Variants in SUGP2 observed in about 807,000 individuals in gnomAD.
SUGP2 encodes the protein SURP and G-patch domain-containing protein 2.
In SUGP2, 24 loss-of-function variants were observed where a neutral mutation model predicts 90.5. The observed-to-expected ratio is 0.27, with a 90% CI of 0.19 to 0.37. The LOEUF is 0.37. SUGP2 is among the 10% of genes least tolerant of loss of function. SUGP2 has a pLI of 1.00. For missense variants in SUGP2, 1,233 were observed against 1,363.3 expected, an observed-to-expected ratio of 0.90 and a Z score of 1.51; for synonymous variants, 473 against 513.4, an observed-to-expected ratio of 0.92 and a Z score of 1.06.
In SUGP2 at chr19:18,994,405, CCT is replaced by C. The variant is rs1248661064; in HGVS notation, c.3208_3209del (p.Arg1070AspfsTer18). On this transcript the variant is annotated frameshift_variant, in exon 10 of 11. Transcript: ENST00000452918. LOFTEE classifies it high-confidence loss of function. The part of the protein sequence containing the change: ...KEDTFDVFRQ[R>X]MMQMYRHKRA... ...GCTTGTGTCTGTACATCTGCATCAT[CCT>C]CTGTCGGAACACATCGAATGTGTCT... 6.2e-7 allele frequency: 1 copy of C among 1,614,130 alleles called. No individual in the cohort carries two copies. Among genetic ancestry groups the C allele is most frequent in the Non-Finnish European group, 8.5e-7 (1 of 1,180,040 alleles).
chr19:19,018,506 T>A (rs146648670), intron 4 of SUGP2, among the ~76,000 whole-genome samples: 1 of 151,720 alleles, frequency 6.6e-6, no homozygotes, highest in Non-Finnish European at 1.5e-5. Flanking sequence ...GCTAACACTA[T>A]GAAACCCCAT....
intron 8 of SUGP2, among the ~76,000 whole-genome samples, chr19:18,998,712 T>G (rs1053851052): frequency 2.0e-5 from 3 of 151,940 alleles, no homozygotes; most frequent in Non-Finnish European, 4.4e-5. Flanking sequence ...GAGGTGGTCT[T>G]GGTGAGGCGG....
At position 19,006,750 on chromosome 19, in the gene SUGP2, G is replaced by A. The variant is rs139619255; in HGVS notation, c.2450+1567C>T. ...CAGCTCCCCAAGGCCACTACTGCCTGTAAAAGGCAAAACCTGACTGTAAGC... is the reference window on the plus strand; with the variant it reads ...CAGCTCCCCAAGGCCACTACTGCCTATAAAAGGCAAAACCTGACTGTAAGC... On this transcript the variant is annotated intron_variant, in intron 6 of 10. Coordinates refer to ENST00000452918, the MANE Select transcript of SUGP2 (RefSeq NM_001017392.5). Among the ~76,000 whole-genome samples the A allele has an allele frequency of 7.5e-3, 1,142 of 152,308 alleles. 12 individuals carry two copies. Among genetic ancestry groups the A allele is most frequent in the African/African-American group, 0.025 (1,047 of 41,570 alleles).
chr19:19,022,814 T>C, intron 3 of SUGP2, among the ~76,000 whole-genome samples: 1 of 152,142 alleles, frequency 6.6e-6, no homozygotes, highest in Non-Finnish European at 1.5e-5. Context: ...ATCTAGTGTC[T>C]AGTGCTGTTG....
intron 6 of SUGP2, among the ~76,000 whole-genome samples, chr19:19,008,014 C>T (rs1256272553): frequency 6.6e-6 from 1 of 152,082 alleles, no homozygotes; most frequent in East Asian, 1.9e-4. Flanking sequence ...ACAGATCTTT[C>T]TCCCTTAGGC....
At chr19:19,009,007 G>A (rs1211476080) in intron 5 of SUGP2, among the ~76,000 whole-genome samples, 1 of 152,168 alleles carries the variant, frequency 6.6e-6, no homozygotes, top group Non-Finnish European at 1.5e-5. Flanking sequence ...CGCCTCCCGG[G>A]TTCAAGCGAT....
At chr19:19,021,670 A>ATT (rs777104794) in intron 3 of SUGP2, among the ~76,000 whole-genome samples, 10 of 144,246 alleles carry the variant, frequency 6.9e-5, no homozygotes, top group African/African-American at 1.8e-4. Context: ...TCATTCCAGC[A>ATT]TTTTTTTTTT....
Position 19,024,944 on chromosome 19 carries a change from G to A in SUGP2, c.1404C>T (p.Ala468=), listed in dbSNP as rs1457430897. 4 of 1,614,044 alleles carry A rather than the reference G, an allele frequency of 2.5e-6. No individual in the cohort carries two copies. Among genetic ancestry groups the A allele is most frequent in the Admixed American group, 3.3e-5 (2 of 60,000 alleles). Residue 468 remains alanine, a synonymous_variant, in exon 3 of 11, where the codon GCC becomes GCT. Transcript: ENST00000452918. ...TLSNPLDLAL[A]LETTNSLCRK... ...GGCAGAGAGAGTTGGTGGTTTCTAG[G>A]GCAAGAGCCAAGTCCAGGGGGTTAC...
intron 7 of SUGP2, among the ~76,000 whole-genome samples, chr19:19,002,655 A>C (rs2057890804): frequency 6.6e-6 from 1 of 151,808 alleles, no homozygotes. Flanking sequence ...CTGGGATTTC[A>C]GGAATGCGTC....
Position 19,014,033 on chromosome 19 carries a change from G to A in SUGP2, c.1851-3691C>T, listed in dbSNP as rs149522246. Among the ~76,000 whole-genome samples the A allele has an allele frequency of 7.0e-3, 1,070 of 152,166 alleles. 8 individuals carry two copies. The highest frequency in any genetic ancestry group is 0.024 in the African/African-American group (987 of 41,514). Reference sequence around the variant, plus strand: ...TTTGAGACGGTGTTTTGCTCTTGTCGCCCAGGCTGGAGTGCAGTGGTGCGA... The same window carrying A: ...TTTGAGACGGTGTTTTGCTCTTGTCACCCAGGCTGGAGTGCAGTGGTGCGA... On this transcript the variant is annotated intron_variant, in intron 4 of 10. Transcript: ENST00000452918.
rs2059130050 is a variant in SUGP2, at chr19:19,031,014, T to C, written c.58A>G (p.Lys20Glu). The change falls in exon 2 of 11, where the codon AAA becomes GAA. Residue 20 changes from lysine (K) to glutamate (E), a missense_variant. Around this residue, in one of 8 missense-constraint regions of SUGP2, gnomAD observed 418 missense variants for 399.9 expected, o/e 1.05. Coordinates refer to ENST00000452918, the MANE Select transcript of SUGP2 (RefSeq NM_001017392.5). Reference sequence around the variant, plus strand: ...CCACTGGCATCCATGTGATATCGTTTGGCTTTTTCTTGTAATACAGCATCA... The same window carrying C: ...CCACTGGCATCCATGTGATATCGTTCGGCTTTTTCTTGTAATACAGCATCA... Reference protein sequence around the residue: ...TFDAVLQEKAKRYHMDASGEA... With the variant: ...TFDAVLQEKAERYHMDASGEA... The C allele has an allele frequency of 6.2e-7, 1 of 1,614,082 alleles. No individual in the cohort carries two copies. Among genetic ancestry groups the C allele is most frequent in the Non-Finnish European group, 8.5e-7 (1 of 1,180,016 alleles).
chr19:19,010,482 G>C (rs2058267948), intron 4 of SUGP2, 140 bp from the exon 5 acceptor site: 1 of 1,201,658 alleles, frequency 8.3e-7, no homozygotes, highest in Non-Finnish European at 1.2e-6. Context: ...TGGCTCTACT[G>C]AGGACCCAGA....
chr19:19,012,129 A>G (rs2058333907), intron 4 of SUGP2, among the ~76,000 whole-genome samples: 1 of 152,216 alleles, frequency 6.6e-6, no homozygotes, highest in African/African-American at 2.4e-5. Context: ...TGACACTGTT[A>G]GCCAGTTGAG....
chr19:19,012,664 A>G (rs1456318760), intron 4 of SUGP2, among the ~76,000 whole-genome samples: 1 of 152,234 alleles, frequency 6.6e-6, no homozygotes, highest in Non-Finnish European at 1.5e-5. Context: ...CTAGGAGGCA[A>G]GTGCTATGAA....
Position 19,025,600 on chromosome 19 carries a change from C to T in SUGP2, c.748G>A (p.Val250Met), listed in dbSNP as rs750490224. The change falls in exon 3 of 11, where the codon GTG becomes ATG. Residue 250 changes from valine to methionine, a missense_variant. By Grantham distance (21) the Val-to-Met change is conservative. This residue lies in a region of SUGP2 where 418 missense variants were observed against 399.9 expected (regional missense o/e 1.05). Transcript: ENST00000452918. The stretch of plus-strand genomic sequence containing the variant: ...ACGGTGGGTATTTTTTTTGTGCTCA[C>T]ATTTCTCAATGTGACAAGTTTCCCA... ...GVGKLVTLRN[V>M]STKKIPTVNR... 4 of 1,613,982 alleles carry T rather than the reference C, an allele frequency of 2.5e-6. No individual in the cohort carries two copies. Among genetic ancestry groups the T allele is most frequent in the Middle Eastern group, 3.3e-4 (2 of 6,062 alleles).
At position 19,025,619 on chromosome 19, in the gene SUGP2, T is replaced by C. The variant is rs758294188; in HGVS notation, c.729A>G (p.Lys243=). Reference sequence around the variant, plus strand: ...TGCTCACATTTCTCAATGTGACAAGTTTCCCAACACCCCCCTTAGCTGTGA... The same window carrying C: ...TGCTCACATTTCTCAATGTGACAAGCTTCCCAACACCCCCCTTAGCTGTGA... ...GLLTAKGGVG[K]LVTLRNVSTK... The change falls in exon 3 of 11, where the codon AAA becomes AAG. Residue 243 remains lysine, a synonymous_variant. Coordinates refer to ENST00000452918, the MANE Select transcript of SUGP2 (RefSeq NM_001017392.5). The C allele has an allele frequency of 9.9e-6, 16 of 1,613,906 alleles. No homozygotes were observed. In the South Asian group the frequency reaches 1.8e-4, roughly 18 times the overall value.
At position 19,009,975 on chromosome 19, in the gene SUGP2, C is replaced by T; in HGVS notation, c.2218G>A (p.Asp740Asn). The change falls in exon 5 of 11, where the codon GAC (aspartate) becomes AAC (asparagine). Residue 740 changes from aspartate to asparagine, a missense_variant. Physicochemically the swap from Asp to Asn is conservative, Grantham distance 23. Coordinates refer to ENST00000452918, the MANE Select transcript of SUGP2 (RefSeq NM_001017392.5). Reference sequence around the variant, plus strand: ...TCCTGAGGAGAAGGTCCAACTGGGTCTGGCGGGCAGTCCTTGGCAGCATCA... The same window carrying T: ...TCCTGAGGAGAAGGTCCAACTGGGTTTGGCGGGCAGTCCTTGGCAGCATCA... ...RNDAAKDCPP[D>N]PVGPSPQDPS... is the part of the protein sequence containing the mutation. The T allele has an allele frequency of 6.2e-7, 1 of 1,614,144 alleles. No homozygotes were observed.
In SUGP2 at chr19:19,029,500, G is replaced by A. The variant is rs552590312; in HGVS notation, c.121+1451C>T. Among the ~76,000 whole-genome samples the A allele has an allele frequency of 4.1e-5, 6 of 144,752 alleles. 1 individual carries two copies. In the South Asian group the frequency reaches 8.8e-4, roughly 21 times the overall value. 95.0% of individuals were successfully genotyped at this position (144,752 alleles called of 152,430 possible). Reference sequence around the variant, plus strand: ...GTCGCCCAGGCTGGAGTGCAGTAGCGCAATCTTGGCTCACTGCAGGCTCCA... The same window carrying A: ...GTCGCCCAGGCTGGAGTGCAGTAGCACAATCTTGGCTCACTGCAGGCTCCA... On this transcript the variant is annotated intron_variant, in intron 2 of 10. Coordinates refer to ENST00000452918, the MANE Select transcript of SUGP2 (RefSeq NM_001017392.5).
At chr19:19,016,855 T>C (rs1341049991) in intron 4 of SUGP2, among the ~76,000 whole-genome samples, 1 of 152,234 alleles carries the variant, frequency 6.6e-6, no homozygotes, top group Non-Finnish European at 1.5e-5. Context: ...TAAATGATGC[T>C]GGGACAATTA....
Sources: allele counts gnomAD v4.1 joint callset (sites outside exome capture counted in the v4.1 genomes callset), GRCh38; gene constraint gnomAD v4.1.1; regional missense constraint gnomAD v4.1.1; transcripts MANE v1.5; gene names NCBI Gene and HGNC (gene_info 2026-07-23, HGNC 2026-07-21).